PDE9A: variants seen among roughly 807,000 people sequenced by gnomAD.
PDE9A encodes high affinity cGMP-specific 3',5'-cyclic phosphodiesterase 9A.
A neutral mutation model predicts 87.4 loss-of-function variants in PDE9A; 60 were observed. The observed-to-expected ratio is 0.69, with a 90% confidence interval of 0.56 to 0.85. The LOEUF (loss-of-function observed/expected upper bound fraction) is 0.85, where lower values mean the gene tolerates loss of function less well. Ranked by LOEUF, PDE9A falls within the 40% of genes least tolerant of loss-of-function variation. The pLI, the probability that PDE9A is intolerant of heterozygous loss-of-function variation, is 0.00. For missense variants in PDE9A, 665 were observed against 779.0 expected, an observed-to-expected ratio of 0.85 and a Z score of 1.74; for synonymous variants, 272 against 279.4, an observed-to-expected ratio of 0.97 and a Z score of 0.27.
chr21:42,683,424 T>C (rs898739134), intron 1 of PDE9A, among the ~76,000 whole-genome samples: 7 of 152,236 alleles, frequency 4.6e-5, no homozygotes, highest in South Asian at 2.1e-4. Flanking sequence ...CCAGGGGGCA[T>C]TGGAGTAAAA....
In PDE9A at chr21:42,723,367, A is replaced by G. The variant is rs78535492; in HGVS notation, c.263-8403A>G. Among the ~76,000 whole-genome samples the G allele has an allele frequency of 3.2e-3, 491 of 152,342 alleles. 1 individual carries two copies. The highest frequency in any genetic ancestry group is 0.011 in the African/African-American group (465 of 41,590). ...CCAGCATTCCCTGCATGTGCTTATCAAGTGAGGAGGCCAGCAGGACTTAGC... is the reference window on the plus strand; with the variant it reads ...CCAGCATTCCCTGCATGTGCTTATCGAGTGAGGAGGCCAGCAGGACTTAGC... On this transcript the variant is annotated intron_variant, in intron 4 of 19. Coordinates refer to ENST00000291539, the MANE Select transcript of PDE9A (RefSeq NM_002606.3). The surrounding 1 kb of genome is among the most constrained non-coding windows in gnomAD (Gnocchi z 4.3).
intron 4 of PDE9A, among the ~76,000 whole-genome samples, chr21:42,721,088 T>C (rs1456863032): frequency 1.3e-5 from 2 of 150,980 alleles, no homozygotes. Flanking sequence ...CTTGCAGATG[T>C]TACAGTACCT....
chr21:42,665,272 G>A (rs1294700381), intron 1 of PDE9A, among the ~76,000 whole-genome samples: 20 of 152,302 alleles, frequency 1.3e-4, no homozygotes, highest in South Asian at 2.1e-4. Flanking sequence ...TCAGGCCTCC[G>A]GAGCCAAGAG....
intron 4 of PDE9A, among the ~76,000 whole-genome samples, chr21:42,726,624 A>ATATATATATATATTTTTTTTTTTTTT: frequency 5.1e-5 from 1 of 19,778 alleles, no homozygotes; most frequent in African/African-American, 3.4e-4. Context: ...ATATATATAT[A>ATATATATATATATTTTTTTTTTTTTT]TTTTTTTTTT....
intron 1 of PDE9A, among the ~76,000 whole-genome samples, chr21:42,665,936 C>T (rs2145886237): frequency 6.6e-6 from 1 of 152,374 alleles, no homozygotes; most frequent in East Asian, 1.9e-4. Context: ...CGCCATGAGG[C>T]CCCGTTGAAG....
intron 17 of PDE9A, 75 bp downstream of exon 17, chr21:42,769,230 T>TAC: frequency 7.5e-7 from 1 of 1,338,390 alleles, no homozygotes; most frequent in Non-Finnish European, 1.0e-6. Flanking sequence ...CACACACATA[T>TAC]ACACATATGC....
At chr21:42,653,944 C>A in intron 1 of PDE9A, 61 bp downstream of exon 1, 2 of 1,035,108 alleles carry the variant, frequency 1.9e-6, no homozygotes, top group Non-Finnish European at 2.8e-6. Flanking sequence ...CGGGGCCGGG[C>A]GCGGCGGGGC....
intron 4 of PDE9A, among the ~76,000 whole-genome samples, chr21:42,731,176 T>C (rs2300961): frequency 0.12 from 18,864 of 152,198 alleles, 1,397 homozygotes; most frequent in East Asian, 0.33. Flanking sequence ...CAGGCTGGTC[T>C]CGAACTCCCG....
chr21:42,717,809 G>T (rs2050096330), intron 4 of PDE9A, among the ~76,000 whole-genome samples: 1 of 151,646 alleles, frequency 6.6e-6, no homozygotes, highest in Admixed American at 6.6e-5. Context: ...CTTTCTTTCT[G>T]GCCTCCATTG....
At chr21:42,724,219 G>C (rs918097712) in intron 4 of PDE9A, among the ~76,000 whole-genome samples, 1 of 152,200 alleles carries the variant, frequency 6.6e-6, no homozygotes, top group Admixed American at 6.5e-5. Context: ...CCCCAGGGAA[G>C]GTGGTGGAAG....
Position 42,769,300 on chromosome 21 carries a change from C to T in PDE9A, c.1590+145C>T, listed in dbSNP as rs983954659. The T allele has an allele frequency of 7.3e-6, 5 of 685,320 alleles. No individual in the cohort carries two copies. The South Asian group carries it at 7.4e-5, about 10-fold the overall frequency. The allele number at this position is 685,320 out of a possible 1,614,324, so 42.5% of individuals were successfully genotyped here. ...ACGTACACAGATACACACAGACGCACATACAGGCACATACACATATACACA... is the reference window on the plus strand; with the variant it reads ...ACGTACACAGATACACACAGACGCATATACAGGCACATACACATATACACA... On this transcript the variant is annotated intron_variant, in intron 17 of 19. Transcript: ENST00000291539.
chr21:42,661,053 A>T (rs1463146986), intron 1 of PDE9A, among the ~76,000 whole-genome samples: 2 of 146,282 alleles, frequency 1.4e-5, no homozygotes, highest in African/African-American at 2.6e-5. Flanking sequence ...TTTTTTTGAG[A>T]TGGAGTCTCG....
chr21:42,747,795 T>C (rs755470573), intron 8 of PDE9A, among the ~76,000 whole-genome samples: 5 of 152,156 alleles, frequency 3.3e-5, no homozygotes, highest in Non-Finnish European at 7.4e-5. Context: ...GAGCCTGGGG[T>C]GGCAACTGAG....
intron 1 of PDE9A, among the ~76,000 whole-genome samples, chr21:42,663,173 T>C (rs1271657682): frequency 1.5e-5 from 2 of 129,176 alleles, no homozygotes; most frequent in African/African-American, 3.1e-5. Flanking sequence ...CACACACACA[T>C]CACACACATC....
chr21:42,775,325 C>A lies in PDE9A; in HGVS notation c.*32C>A, dbSNP rs376934066. On this transcript the variant is annotated 3_prime_UTR_variant, in exon 20 of 20. Coordinates refer to ENST00000291539, the MANE Select transcript of PDE9A (RefSeq NM_002606.3). ...CGGGGGGCGTGGCTGCAGTTCTGGA[C>A]GGGCTGGCCGAGCTGCGCGGGATCC... is the stretch of plus-strand genomic sequence containing the variant. 2 of 1,605,294 alleles carry A rather than the reference C, an allele frequency of 1.2e-6. No individual in the cohort carries two copies. The highest frequency in any genetic ancestry group is 1.1e-5 in the South Asian group (1 of 89,606).
chr21:42,670,223 ATACACT>A (rs1020452448), intron 1 of PDE9A, among the ~76,000 whole-genome samples: 14 of 114,176 alleles, frequency 1.2e-4, no homozygotes, highest in Non-Finnish European at 2.2e-4. Flanking sequence ...ATTCACACAC[ATACACT>A]TACATTCACA....
rs558206024 is a variant in PDE9A at position 42,684,734 on chromosome 21, T to C, written c.70-1458T>C. Among the ~76,000 whole-genome samples, 4 of 152,230 alleles carry C rather than the reference T, an allele frequency of 2.6e-5. No individual in the cohort carries two copies. The South Asian group carries it at 8.3e-4, about 32-fold the overall frequency. ...CGAGCAGGGCCAGGACCAAGCTGCATAGGCAGCCAGGGACACAGCCGATGC... is the reference window on the plus strand; with the variant it reads ...CGAGCAGGGCCAGGACCAAGCTGCACAGGCAGCCAGGGACACAGCCGATGC... On this transcript the variant is annotated intron_variant, in intron 1 of 19. Transcript: ENST00000291539.
chr21:42,748,545 GA>G (rs1237574084), intron 8 of PDE9A, among the ~76,000 whole-genome samples: 2 of 152,182 alleles, frequency 1.3e-5, no homozygotes. Context: ...TTCTAGTTTT[GA>G]AAATAGCACA....
intron 8 of PDE9A, among the ~76,000 whole-genome samples, chr21:42,748,860 G>A (rs976083499): frequency 2.6e-5 from 4 of 152,224 alleles, no homozygotes; most frequent in Middle Eastern, 3.4e-3. Context: ...TTTCTTCCTC[G>A]TAGCGTGGCA....
Sources: allele counts gnomAD v4.1 joint callset (sites outside exome capture counted in the v4.1 genomes callset), GRCh38; gene constraint gnomAD v4.1.1; non-coding constraint Gnocchi (gnomAD v3.1); transcripts MANE v1.5; gene names NCBI Gene and HGNC (gene_info 2026-07-23, HGNC 2026-07-21).